The following TBC1D22A variants were observed in gnomAD, a reference collection of about 807,000 sequenced individuals.
The protein encoded by TBC1D22A is putative GTPase activator.
In TBC1D22A, 38 loss-of-function variants were observed where a neutral mutation model predicts 60.2. The observed-to-expected ratio is 0.63, with a 90% CI of 0.49 to 0.83. TBC1D22A has a LOEUF of 0.83. Ranked by LOEUF, TBC1D22A falls within the 40% of genes least tolerant of loss-of-function variation. TBC1D22A has a pLI of 0.00. For missense variants in TBC1D22A, 628 were observed against 701.0 expected (o/e 0.90, Z 1.18); for synonymous variants, 302 against 281.7 (o/e 1.07, Z -0.72).
chr22:46,926,843 C>G (rs1205983449), intron 8 of TBC1D22A, among the ~76,000 whole-genome samples: 1 of 152,174 alleles, frequency 6.6e-6, no homozygotes, highest in Non-Finnish European at 1.5e-5. Context: ...AAATAAGTCT[C>G]TCTTTGAGAC....
chr22:46,825,581 C>G (rs1036015020), intron 4 of TBC1D22A, among the ~76,000 whole-genome samples: 2 of 152,200 alleles, frequency 1.3e-5, no homozygotes, highest in African/African-American at 4.8e-5. Flanking sequence ...TCAAGCGATT[C>G]TTGTGCCTCA....
At chr22:46,827,821 T>A (rs1482815665) in intron 4 of TBC1D22A, among the ~76,000 whole-genome samples, 4 of 152,206 alleles carry the variant, frequency 2.6e-5, no homozygotes, top group Admixed American at 2.0e-4. Context: ...GGGCGGGCAG[T>A]GAAGACTTCA....
intron 4 of TBC1D22A, among the ~76,000 whole-genome samples, chr22:46,827,044 T>A (rs1360755664): frequency 6.6e-6 from 1 of 152,144 alleles, no homozygotes; most frequent in Non-Finnish European, 1.5e-5. Flanking sequence ...TATCCTGTTG[T>A]AGAGTTGATT....
At chr22:47,037,772 C>G (rs982226373) in intron 11 of TBC1D22A, among the ~76,000 whole-genome samples, 5 of 152,218 alleles carry the variant, frequency 3.3e-5, no homozygotes. Flanking sequence ...CAGCCTTGAG[C>G]TCTCTGGGAA....
At chr22:46,927,290 G>A (rs2071104124) in intron 8 of TBC1D22A, among the ~76,000 whole-genome samples, 1 of 152,172 alleles carries the variant, frequency 6.6e-6, no homozygotes, top group African/African-American at 2.4e-5. Flanking sequence ...ATGCTGGGAT[G>A]GTTCAACATT....
chr22:47,087,179 T>A (rs2064733321), intron 11 of TBC1D22A, among the ~76,000 whole-genome samples: 1 of 152,212 alleles, frequency 6.6e-6, no homozygotes, highest in African/African-American at 2.4e-5. Context: ...ACACAAACTT[T>A]CCTATTTGCT....
At chr22:46,953,072 G>C (rs1569265628) in intron 8 of TBC1D22A, among the ~76,000 whole-genome samples, 1 of 152,166 alleles carries the variant, frequency 6.6e-6, no homozygotes, top group South Asian at 2.1e-4. Flanking sequence ...ACACTGAACG[G>C]GTGGGGGTCA....
intron 4 of TBC1D22A, among the ~76,000 whole-genome samples, chr22:46,808,856 A>C (rs2085263430): frequency 6.6e-6 from 1 of 152,198 alleles, no homozygotes; most frequent in Non-Finnish European, 1.5e-5. Context: ...GGCCTTCCAA[A>C]GTGCTGGGAT....
rs1006509322 is a variant in TBC1D22A at position 46,942,529 on chromosome 22, G to T, written c.1015+30341G>T. ...ATAAGAATTGTATAGTATTCAAGAA[G>T]GATTCAAACCGCGTTAATATTAAAG... is the stretch of plus-strand genomic sequence containing the variant. On this transcript the variant is annotated intron_variant, in intron 8 of 12. Coordinates refer to ENST00000337137, the MANE Select transcript of TBC1D22A (RefSeq NM_014346.5). Among the ~76,000 whole-genome samples the T allele has an allele frequency of 6.6e-5, 10 of 152,274 alleles. No individual in the cohort carries two copies. In the East Asian group the frequency reaches 1.9e-3, roughly 29 times the overall value.
At chr22:46,765,635 T>C (rs2083255172) in intron 1 of TBC1D22A, among the ~76,000 whole-genome samples, 1 of 151,908 alleles carries the variant, frequency 6.6e-6, no homozygotes, top group East Asian at 1.9e-4. Flanking sequence ...CTGTCTGTTT[T>C]TTTGTATTTT....
At chr22:46,861,381 A>G (rs901208082) in intron 4 of TBC1D22A, among the ~76,000 whole-genome samples, 2 of 152,160 alleles carry the variant, frequency 1.3e-5, no homozygotes, top group Admixed American at 1.3e-4. Flanking sequence ...AAATCTAACA[A>G]TGTGGCCAGC....
rs188051195 is a variant in TBC1D22A at position 46,915,652 on chromosome 22, C to T, written c.1015+3464C>T. 357 of 456,582 alleles carry T rather than the reference C, an allele frequency of 7.8e-4. 3 individuals are homozygous for T. The highest frequency in any genetic ancestry group is 5.5e-3 in the African/African-American group (278 of 50,144). The allele number at this position is 456,582 out of a possible 1,614,324, so 28.3% of individuals were successfully genotyped here. A position where few individuals can be genotyped will look rare whatever the true frequency, so the allele number is the denominator to read the frequency against. Reference sequence around the variant, plus strand: ...GTTAATCAAAGGTTTAAGAAATCCCCGGGGTGTGGGATTTCTCCAGGGGCT... The same window carrying T: ...GTTAATCAAAGGTTTAAGAAATCCCTGGGGTGTGGGATTTCTCCAGGGGCT... On this transcript the variant is annotated intron_variant, in intron 8 of 12. Transcript: ENST00000337137.
rs956007268 is a variant in TBC1D22A, at chr22:47,143,844, G to T, written c.1426-29654G>T. ...AGGGCTGGGCCCGGAGGTGAAGGTTGACAACTACAGCCCTCCGCTTCTCCT... is the reference window on the plus strand; with the variant it reads ...AGGGCTGGGCCCGGAGGTGAAGGTTTACAACTACAGCCCTCCGCTTCTCCT... On this transcript the variant is annotated intron_variant, in intron 12 of 12. Coordinates refer to ENST00000337137, the MANE Select transcript of TBC1D22A (RefSeq NM_014346.5). Among the ~76,000 whole-genome samples the T allele has an allele frequency of 5.3e-5, 8 of 152,358 alleles. No homozygotes were observed. In the East Asian group the frequency reaches 1.2e-3, roughly 22 times the overall value.
At chr22:47,012,086 C>T (rs2061769443) in intron 10 of TBC1D22A, among the ~76,000 whole-genome samples, 1 of 152,078 alleles carries the variant, frequency 6.6e-6, no homozygotes, top group African/African-American at 2.4e-5. Flanking sequence ...GGTTGACTGG[C>T]CTCTCCCAGC....
chr22:46,810,286 C>T (rs975360079), intron 4 of TBC1D22A, among the ~76,000 whole-genome samples: 3 of 152,234 alleles, frequency 2.0e-5, no homozygotes, highest in East Asian at 1.9e-4. Context: ...AAATCTCCTT[C>T]GCTCCCGACC....
intron 12 of TBC1D22A, among the ~76,000 whole-genome samples, chr22:47,146,120 G>C (rs1160116951): frequency 2.0e-5 from 3 of 147,418 alleles, no homozygotes; most frequent in Non-Finnish European, 4.5e-5. Context: ...GGATGTGCTG[G>C]ATTGCTGGTC....
intron 8 of TBC1D22A, among the ~76,000 whole-genome samples, chr22:46,950,372 G>A (rs2072824480): frequency 6.6e-6 from 1 of 152,198 alleles, no homozygotes; most frequent in African/African-American, 2.4e-5. Context: ...TGCCGTTTGT[G>A]TGGCCTGTTG....
At chr22:46,825,936 A>T (rs549159671) in intron 4 of TBC1D22A, among the ~76,000 whole-genome samples, 1 of 146,508 alleles carries the variant, frequency 6.8e-6, no homozygotes, top group Admixed American at 6.9e-5. Flanking sequence ...AGGCTGGAGT[A>T]CAGTGGCGCC....
At chr22:46,855,770 G>A (rs1316999730) in intron 4 of TBC1D22A, among the ~76,000 whole-genome samples, 2 of 152,228 alleles carry the variant, frequency 1.3e-5, no homozygotes, top group Non-Finnish European at 2.9e-5. Flanking sequence ...GACTGTCACA[G>A]GGTCTTTCGT....
Sources: allele counts gnomAD v4.1 joint callset (sites outside exome capture counted in the v4.1 genomes callset), GRCh38; gene constraint gnomAD v4.1.1; transcripts MANE v1.5; gene names NCBI Gene and HGNC (gene_info 2026-07-23, HGNC 2026-07-21).